The following LAMA3 variants were observed in gnomAD, a reference collection of about 807,000 sequenced individuals.
LAMA3 encodes the protein laminin subunit alpha 3.
LAMA3 carries 281 observed loss-of-function variants against 402.0 expected under a neutral mutation model. The ratio of observed to expected loss-of-function variants is 0.70; its 90% CI spans 0.63 to 0.77. The LOEUF is 0.77. LAMA3 is among the 30% of genes least tolerant of loss of function. The pLI is 0.00. For synonymous variants in LAMA3, 1,431 were observed against 1,558.4 expected (o/e 0.92, Z 1.93); for missense variants, 3,840 against 4,215.5 (o/e 0.91, Z 2.47).
intron 67 of LAMA3, among the ~76,000 whole-genome samples, chr18:23,936,671 A>C (rs2082323264): frequency 1.3e-5 from 2 of 152,200 alleles, no homozygotes; most frequent in Admixed American, 1.3e-4. Flanking sequence ...AAACCCAGGC[A>C]GAATCCATGC....
chr18:23,851,985 AC>A (rs1481522691), intron 32 of LAMA3, among the ~76,000 whole-genome samples: 1 of 152,192 alleles, frequency 6.6e-6, no homozygotes, highest in Non-Finnish European at 1.5e-5. Flanking sequence ...CTTAATGATA[AC>A]AGCCTCTTTC....
intron 12 of LAMA3, among the ~76,000 whole-genome samples, chr18:23,791,081 G>A (rs1008304238): frequency 6.6e-6 from 1 of 151,928 alleles, no homozygotes; most frequent in Admixed American, 6.6e-5. Context: ...GTAGAGACGG[G>A]GTTTCACCGT....
chr18:23,790,142 A>AATTCT (rs1419673029), intron 12 of LAMA3, among the ~76,000 whole-genome samples: 5 of 152,196 alleles, frequency 3.3e-5, no homozygotes, highest in Admixed American at 1.3e-4. Flanking sequence ...ATACAGCAGG[A>AATTCT]ATTCTATTGT....
chr18:23,928,896 T>A (rs1019598256), intron 64 of LAMA3, 131 bp downstream of exon 64: 2 of 887,130 alleles, frequency 2.3e-6, no homozygotes, highest in South Asian at 2.7e-5. Flanking sequence ...AATGCTATTG[T>A]ATAGTTCAAC....
rs117303947 is a variant in LAMA3 at position 23,934,117 on chromosome 18, G to A, written c.8862+182G>A. 5.8e-3 allele frequency among the ~76,000 whole-genome samples: 880 copies of A among 152,256 alleles called. 3 individuals carry two copies. Among genetic ancestry groups the A allele is most frequent in the Non-Finnish European group, 8.5e-3 (579 of 68,014 alleles). Reference sequence around the variant, plus strand: ...TGGTTTTCTTTTTAGCTTGTATTTCGCATCTTGATGAAAAGTTGGCAAGTT... The same window carrying A: ...TGGTTTTCTTTTTAGCTTGTATTTCACATCTTGATGAAAAGTTGGCAAGTT... On this transcript the variant is annotated intron_variant, in intron 67 of 74. Transcript: ENST00000313654.
intron 12 of LAMA3, among the ~76,000 whole-genome samples, chr18:23,809,997 A>G (rs993135324): frequency 6.6e-6 from 1 of 152,110 alleles, no homozygotes; most frequent in Admixed American, 6.5e-5. Flanking sequence ...GGTGAGCAGA[A>G]TCCCCAAAAC....
intron 12 of LAMA3, among the ~76,000 whole-genome samples, chr18:23,804,635 TAGGAC>T (rs2062928042): frequency 6.6e-6 from 1 of 152,184 alleles, no homozygotes; most frequent in African/African-American, 2.4e-5. Flanking sequence ...ACCCCTGATG[TAGGAC>T]AGTGATATAG....
chr18:23,701,854 A>C (rs560413291), intron 1 of LAMA3, among the ~76,000 whole-genome samples: 1 of 152,302 alleles, frequency 6.6e-6, no homozygotes, highest in South Asian at 2.1e-4. Flanking sequence ...AGCATGTGCA[A>C]AGACCCTGAG....
Position 23,847,454 on chromosome 18 carries a change from C to A in LAMA3, c.3932-10C>A. On this transcript the variant is annotated splice_polypyrimidine_tract_variant and intron_variant, in intron 31 of 74. Coordinates refer to ENST00000313654, the MANE Select transcript of LAMA3 (RefSeq NM_198129.4). Reference sequence around the variant, plus strand: ...GACCCTCACATGGTATTTCTTTATCCCCTGGCCAGCGTGCAGCTGTGGTCG... The same window carrying A: ...GACCCTCACATGGTATTTCTTTATCACCTGGCCAGCGTGCAGCTGTGGTCG... 2 of 1,609,246 alleles carry A rather than the reference C, an allele frequency of 1.2e-6. No individual in the cohort carries two copies. The highest frequency in any genetic ancestry group is 8.5e-7 in the Non-Finnish European group (1 of 1,179,982).
rs534787925 is a variant in LAMA3 at position 23,764,340 on chromosome 18, A to G, written c.1182+817A>G. Among the ~76,000 whole-genome samples the G allele has an allele frequency of 7.2e-5, 11 of 152,356 alleles. No homozygotes were observed. The South Asian group carries it at 2.3e-3, about 32-fold the overall frequency. On this transcript the variant is annotated intron_variant, in intron 8 of 74. Transcript: ENST00000313654. The stretch of plus-strand genomic sequence containing the variant: ...TGTTACAAATCACAAGGTTTTATGT[A>G]TAAGTGAGAAATCCCAGGATAAGGC...
rs1178235955 is a variant in LAMA3 at position 23,953,208 on chromosome 18, G to T, written c.9856+99G>T. On this transcript the variant is annotated intron_variant, in intron 74 of 74. Transcript: ENST00000313654. ...GGGCAGCTCTTGGCTGGACAGTGGA[G>T]ATGGTGAGGCCCTTTGCACTGGCAT... 3.4e-6 allele frequency: 5 copies of T among 1,485,894 alleles called. No individual in the cohort carries two copies. The East Asian group carries it at 6.9e-5, about 20-fold the overall frequency. 92.0% of individuals were successfully genotyped at this position (1,485,894 alleles called of 1,614,324 possible).
chr18:23,940,842 C>G (rs1184950582), intron 68 of LAMA3, among the ~76,000 whole-genome samples: 1 of 12,804 alleles, frequency 7.8e-5, no homozygotes, highest in East Asian at 0.062. Context: ...TCCAGTTGTC[C>G]CCTCCCCTGG....
At chr18:23,893,352 TACTGTAG>T (rs1292936975) in intron 42 of LAMA3, among the ~76,000 whole-genome samples, 1 of 152,156 alleles carries the variant, frequency 6.6e-6, no homozygotes, top group East Asian at 1.9e-4. Context: ...CAGCAGGCTT[TACTGTAG>T]CTGAGAACCT....
In LAMA3 at chr18:23,786,099, G is replaced by T. The variant is rs143367929; in HGVS notation, c.1603+1942G>T. On this transcript the variant is annotated intron_variant, in intron 12 of 74. Coordinates refer to ENST00000313654, the MANE Select transcript of LAMA3 (RefSeq NM_198129.4). ...TTTTAAAAAATTGTTTGAAGTCTCT[G>T]TTAATGGTCATAAGAGCATATAGCA... 1.6e-3 allele frequency among the ~76,000 whole-genome samples: 241 copies of T among 152,332 alleles called. 1 individual carries two copies. Among genetic ancestry groups the T allele is most frequent in the African/African-American group, 5.6e-3 (232 of 41,580 alleles).
intron 2 of LAMA3, among the ~76,000 whole-genome samples, chr18:23,737,685 G>A (rs958074842): frequency 6.6e-6 from 1 of 152,196 alleles, no homozygotes; most frequent in African/African-American, 2.4e-5. Flanking sequence ...CCTCATCCAG[G>A]CAGGTTACCG....
Position 23,920,924 on chromosome 18 carries a change from C to T in LAMA3, c.7924-11C>T. ...AGCCTTCTGGTCATCTGCATTGTTC[C>T]TCTGTCCTAGGATCGCTTCATATCT... On this transcript the variant is annotated splice_polypyrimidine_tract_variant and intron_variant, in intron 60 of 74. Coordinates refer to ENST00000313654, the MANE Select transcript of LAMA3 (RefSeq NM_198129.4). 1 of 1,613,794 alleles carries T rather than the reference C, an allele frequency of 6.2e-7. No homozygotes were observed.
chr18:23,837,921 A>T (rs1303478101), intron 25 of LAMA3, among the ~76,000 whole-genome samples: 1 of 152,204 alleles, frequency 6.6e-6, no homozygotes. Context: ...TTCAGTTTTT[A>T]AAAAATTATA....
At chr18:23,742,104 A>G (rs867482538) in intron 2 of LAMA3, among the ~76,000 whole-genome samples, 1 of 152,274 alleles carries the variant, frequency 6.6e-6, no homozygotes, top group Non-Finnish European at 1.5e-5. Flanking sequence ...CCTGGGCGAC[A>G]GAGTGAAACT....
chr18:23,829,896 A>G lies in LAMA3; in HGVS notation c.2823+2429A>G, dbSNP rs1166088964. Among the ~76,000 whole-genome samples the G allele has an allele frequency of 4.6e-5, 7 of 152,320 alleles. No homozygotes were observed. In the East Asian group the frequency reaches 9.6e-4, roughly 21 times the overall value. ...GTATTTGACCTTCACACAGCTTCTTATAAATCCATAACCCAGGAGGCAGAT... is the reference window on the plus strand; with the variant it reads ...GTATTTGACCTTCACACAGCTTCTTGTAAATCCATAACCCAGGAGGCAGAT... On this transcript the variant is annotated intron_variant, in intron 23 of 74. Coordinates refer to ENST00000313654, the MANE Select transcript of LAMA3 (RefSeq NM_198129.4).
Sources: gnomAD v4.1 joint callset for allele counts (sites outside exome capture counted in the v4.1 genomes callset) on GRCh38, gnomAD v4.1.1 for gene constraint, MANE v1.5 for transcripts, NCBI Gene and HGNC (gene_info 2026-07-23, HGNC 2026-07-21) for gene names.